Variants in TAFA4 observed in about 807,000 individuals in gnomAD.
TAFA4 encodes TAFA chemokine like family member 4.
In TAFA4, 20 loss-of-function variants were observed where a neutral mutation model predicts 21.1. The observed-to-expected ratio is 0.95, with a 90% CI of 0.67 to 1.38. The LOEUF (loss-of-function observed/expected upper bound fraction) is 1.38. TAFA4 is among the 40% of genes most tolerant of loss of function. The pLI is 0.00. For missense variants in TAFA4, 211 were observed against 180.9 expected (o/e 1.17, Z -0.95); for synonymous variants, 71 against 67.4 (o/e 1.05, Z -0.26).
At chr3:68,790,836 C>T (rs1575609822) in intron 3 of TAFA4, among the ~76,000 whole-genome samples, 3 of 152,286 alleles carry the variant, frequency 2.0e-5, no homozygotes, top group Admixed American at 2.0e-4. Flanking sequence ...TCTCAGGAAC[C>T]CTACTTTGGC....
At chr3:68,775,164 T>A (rs187904864) in intron 3 of TAFA4, among the ~76,000 whole-genome samples, 1 of 152,200 alleles carries the variant, frequency 6.6e-6, no homozygotes, top group Non-Finnish European at 1.5e-5. Flanking sequence ...AAAGCCCTTA[T>A]GTGAGCTGGG....
At chr3:68,861,428 T>C (rs2089342684) in intron 3 of TAFA4, among the ~76,000 whole-genome samples, 1 of 152,026 alleles carries the variant, frequency 6.6e-6, no homozygotes. Flanking sequence ...TTAGTTTTCG[T>C]TTTTTAATCT....
At chr3:68,740,472 G>C (rs904470299) in intron 4 of TAFA4, among the ~76,000 whole-genome samples, 2 of 152,192 alleles carry the variant, frequency 1.3e-5, no homozygotes, top group Admixed American at 6.5e-5. Context: ...TCATATGCCT[G>C]TTAGTCATTT....
At chr3:68,903,534 T>G (rs1381427172) in intron 1 of TAFA4, among the ~76,000 whole-genome samples, 1 of 152,216 alleles carries the variant, frequency 6.6e-6, no homozygotes. Context: ...ATCATGTTGT[T>G]AAATGAATAC....
chr3:68,900,829 A>G (rs759617651), intron 1 of TAFA4, among the ~76,000 whole-genome samples: 21 of 152,170 alleles, frequency 1.4e-4, no homozygotes, highest in Non-Finnish European at 2.9e-4. Context: ...CACAGTTTCC[A>G]CCTTGCAGTG....
chr3:68,740,517 C>A (rs1384366522), intron 4 of TAFA4, among the ~76,000 whole-genome samples: 1 of 152,134 alleles, frequency 6.6e-6, no homozygotes, highest in South Asian at 2.1e-4. Flanking sequence ...AATTCAGCTC[C>A]TTTTCCTACT....
At chr3:68,901,006 C>A (rs1374673835) in intron 1 of TAFA4, among the ~76,000 whole-genome samples, 1 of 152,212 alleles carries the variant, frequency 6.6e-6, no homozygotes, top group Non-Finnish European at 1.5e-5. Context: ...GCCAAGGGAA[C>A]TTTCCTCTTC....
chr3:68,744,912 GA>G (rs1197303938), intron 4 of TAFA4, among the ~76,000 whole-genome samples: 1 of 152,148 alleles, frequency 6.6e-6, no homozygotes, highest in African/African-American at 2.4e-5. Flanking sequence ...AAGCTGCCCT[GA>G]AATGTAAAGG....
chr3:68,897,042 A>T (rs1241201457), intron 1 of TAFA4, among the ~76,000 whole-genome samples: 1 of 152,132 alleles, frequency 6.6e-6, no homozygotes, highest in African/African-American at 2.4e-5. Flanking sequence ...AGCTGGGACT[A>T]CAGGCACACG....
intron 3 of TAFA4, among the ~76,000 whole-genome samples, chr3:68,799,338 T>C (rs1481243210): frequency 2.0e-5 from 3 of 152,166 alleles, no homozygotes; most frequent in Admixed American, 6.5e-5. Flanking sequence ...TGTCCTCATA[T>C]GGTGGAAGAG....
chr3:68,835,035 G>C (rs558248605), intron 3 of TAFA4, among the ~76,000 whole-genome samples: 10 of 152,256 alleles, frequency 6.6e-5, no homozygotes, highest in African/African-American at 2.4e-4. Context: ...GGGGTGGGAA[G>C]TGCAGTATTC....
At chr3:68,873,458 A>C (rs969489939) in intron 3 of TAFA4, among the ~76,000 whole-genome samples, 4 of 152,020 alleles carry the variant, frequency 2.6e-5, no homozygotes, top group Admixed American at 2.6e-4. Context: ...AACTAACTAG[A>C]CAAGTAATTC....
intron 3 of TAFA4, among the ~76,000 whole-genome samples, chr3:68,871,033 G>A (rs1250467784): frequency 2.6e-5 from 4 of 152,100 alleles, no homozygotes; most frequent in Admixed American, 6.6e-5. Flanking sequence ...TTAGAATGGC[G>A]ATCATTAAAA....
chr3:68,899,668 A>G (rs558155309), intron 1 of TAFA4, among the ~76,000 whole-genome samples: 2 of 152,210 alleles, frequency 1.3e-5, no homozygotes, highest in South Asian at 2.1e-4. Context: ...GGCAGCAAGT[A>G]TACCTATATA....
intron 3 of TAFA4, among the ~76,000 whole-genome samples, chr3:68,810,613 T>C (rs1703813619): frequency 3.3e-5 from 5 of 151,990 alleles, no homozygotes. Context: ...AAGGTGGCAG[T>C]GAGGCTGGGG....
At chr3:68,891,953 C>T (rs1417109442) in intron 1 of TAFA4, among the ~76,000 whole-genome samples, 1 of 152,212 alleles carries the variant, frequency 6.6e-6, no homozygotes, top group East Asian at 1.9e-4. Context: ...TGAAATGTAA[C>T]TTCTCTCTTG....
intron 3 of TAFA4, among the ~76,000 whole-genome samples, chr3:68,840,329 C>T (rs959235454): frequency 2.6e-5 from 4 of 152,068 alleles, no homozygotes; most frequent in African/African-American, 9.7e-5. Context: ...CACCTCAGCC[C>T]CTCCATATAA....
intron 3 of TAFA4, among the ~76,000 whole-genome samples, chr3:68,831,493 G>A (rs1704390255): frequency 2.0e-5 from 3 of 151,592 alleles, no homozygotes; most frequent in Admixed American, 2.0e-4. Context: ...ATTCTTTTAA[G>A]AATGTTGAAT....
At chr3:68,856,371 C>A (rs74689327) in intron 3 of TAFA4, among the ~76,000 whole-genome samples, 2,402 of 152,212 alleles carry the variant, frequency 0.016, 59 homozygotes, top group African/African-American at 0.05. Context: ...TTCTGAAATT[C>A]CACGTCTAAA....
Sources: gnomAD v4.1 joint callset for allele counts (sites outside exome capture counted in the v4.1 genomes callset) on GRCh38, gnomAD v4.1.1 for gene constraint, MANE v1.5 for transcripts, NCBI Gene and HGNC (gene_info 2026-07-23, HGNC 2026-07-21) for gene names.